The following PINX1 variants were observed in gnomAD, a reference collection of about 807,000 sequenced individuals.
The protein encoded by PINX1 is PIN2/TERF1-interacting telomerase inhibitor 1.
PINX1 carries 34 observed loss-of-function variants against 25.4 expected under a neutral mutation model. The ratio of observed to expected loss-of-function variants is 1.34; its 90% CI spans 1.02 to 1.78. The LOEUF (loss-of-function observed/expected upper bound fraction) is 1.78, where lower values mean the gene tolerates loss of function less well. Ranked by LOEUF, PINX1 falls within the 40% of genes most tolerant of loss-of-function variation. The probability of loss-of-function intolerance (pLI) is 0.00; values close to 1 mark genes in which losing one functional copy is unlikely to be tolerated. For missense variants in PINX1, 592 were observed against 404.9 expected, an observed-to-expected ratio of 1.46 and a Z score of -3.97; for synonymous variants, 197 against 147.7, an observed-to-expected ratio of 1.33 and a Z score of -2.42.
At chr8:10,816,987 C>T (rs1797718028) in intron 6 of PINX1, among the ~76,000 whole-genome samples, 1 of 152,166 alleles carries the variant, frequency 6.6e-6, no homozygotes, top group South Asian at 2.1e-4. Context: ...GTTTGGCACA[C>T]AGGTGCTTAA....
At chr8:10,781,902 T>A (rs769830297) in intron 6 of PINX1, among the ~76,000 whole-genome samples, 1 of 151,988 alleles carries the variant, frequency 6.6e-6, no homozygotes, top group Non-Finnish European at 1.5e-5. Flanking sequence ...CCGCAGCAGT[T>A]TGCATAATAG....
At chr8:10,773,648 G>T (rs1476531920) in intron 6 of PINX1, among the ~76,000 whole-genome samples, 2 of 152,192 alleles carry the variant, frequency 1.3e-5, no homozygotes, top group African/African-American at 4.8e-5. Flanking sequence ...TTAATTTTAT[G>T]TCTTTTTATT....
At chr8:10,808,340 T>C (rs1010004051) in intron 6 of PINX1, among the ~76,000 whole-genome samples, 1 of 152,264 alleles carries the variant, frequency 6.6e-6, no homozygotes, top group Non-Finnish European at 1.5e-5. Context: ...GAAAGTGCTG[T>C]AGGGAGGAGG....
chr8:10,798,702 A>T (rs886908992), intron 6 of PINX1, among the ~76,000 whole-genome samples: 10 of 152,196 alleles, frequency 6.6e-5, no homozygotes, highest in African/African-American at 2.4e-4. Flanking sequence ...AGGTAGAGAC[A>T]CCTTTTCTAA....
Position 10,767,262 on chromosome 8 carries a change from G to A in PINX1, c.472-1346C>T, listed in dbSNP as rs921859542. Among the ~76,000 whole-genome samples the A allele has an allele frequency of 2.0e-5, 3 of 152,154 alleles. No homozygotes were observed. The East Asian group carries it at 5.8e-4, about 29-fold the overall frequency. On this transcript the variant is annotated intron_variant, in intron 6 of 6. Transcript: ENST00000314787. ...CTATAAACAGACCCTGTATTGTCTC[G>A]ACACAGTGGTCCTCAAAAGCCACCT...
rs954352374 is a variant in PINX1 at position 10,839,836 on chromosome 8, A to T, written c.-80T>A. 12 of 1,389,650 alleles carry T rather than the reference A, an allele frequency of 8.6e-6. No homozygotes were observed. The highest frequency in any genetic ancestry group is 1.1e-5 in the Non-Finnish European group (11 of 1,006,086). 86.1% of individuals were successfully genotyped at this position (1,389,650 alleles called of 1,614,324 possible). Reference sequence around the variant, plus strand: ...GCGGGCTGGAGACTCCAGGAGAATCAGGACGTGCGTAACTCCCTCGCCGGC... The same window carrying T: ...GCGGGCTGGAGACTCCAGGAGAATCTGGACGTGCGTAACTCCCTCGCCGGC... On this transcript the variant is annotated 5_prime_UTR_variant, in exon 1 of 7. Coordinates refer to ENST00000314787, the MANE Select transcript of PINX1 (RefSeq NM_017884.6).
intron 6 of PINX1, among the ~76,000 whole-genome samples, chr8:10,799,415 C>T (rs10089548): frequency 0.2 from 30,985 of 152,084 alleles, 4,558 homozygotes; most frequent in African/African-American, 0.42. Flanking sequence ...ATGGGACAGA[C>T]GTGTCTGCTC....
chr8:10,825,189 G>C (rs1460958106), intron 5 of PINX1, among the ~76,000 whole-genome samples: 1 of 152,206 alleles, frequency 6.6e-6, no homozygotes, highest in Non-Finnish European at 1.5e-5. Context: ...CAATACTTCA[G>C]AGTAGTGGGG....
chr8:10,807,904 C>CT (rs1158778666), intron 6 of PINX1, among the ~76,000 whole-genome samples: 1 of 152,116 alleles, frequency 6.6e-6, no homozygotes, highest in Non-Finnish European at 1.5e-5. Flanking sequence ...AGGTGGAAAT[C>CT]TTAAGAGAGA....
intron 5 of PINX1, among the ~76,000 whole-genome samples, chr8:10,825,635 G>C (rs998904746): frequency 3.9e-5 from 6 of 152,164 alleles, no homozygotes; most frequent in African/African-American, 1.4e-4. Flanking sequence ...TACCCGACTT[G>C]GCAATGACTA....
intron 4 of PINX1, among the ~76,000 whole-genome samples, chr8:10,826,469 C>G (rs1210314824): frequency 2.6e-5 from 4 of 152,192 alleles, no homozygotes; most frequent in Non-Finnish European, 5.9e-5. Context: ...ATGGATCAGG[C>G]CAGGCTGCCC....
intron 6 of PINX1, among the ~76,000 whole-genome samples, chr8:10,797,950 G>C (rs1023449316): frequency 3.3e-5 from 5 of 152,176 alleles, no homozygotes; most frequent in Non-Finnish European, 7.3e-5. Flanking sequence ...TAAATGATGA[G>C]CTAAACAGTC....
intron 6 of PINX1, among the ~76,000 whole-genome samples, chr8:10,808,964 T>C (rs978658584): frequency 2.0e-5 from 3 of 152,216 alleles, no homozygotes; most frequent in African/African-American, 7.2e-5. Flanking sequence ...CCTTGATATA[T>C]GAATTTGTTG....
intron 6 of PINX1, among the ~76,000 whole-genome samples, chr8:10,801,567 G>A (rs543836535): frequency 1.9e-4 from 29 of 152,220 alleles, no homozygotes; most frequent in African/African-American, 7.0e-4. Flanking sequence ...ATAAACCTCA[G>A]TTTCCTTTTC....
intron 4 of PINX1, among the ~76,000 whole-genome samples, chr8:10,831,347 G>A (rs924802710): frequency 6.6e-6 from 1 of 152,210 alleles, no homozygotes; most frequent in East Asian, 1.9e-4. Context: ...CACTACATAA[G>A]AGGAAAAAGC....
chr8:10,825,533 C>T (rs1798009835), intron 5 of PINX1: 2 of 516,958 alleles, frequency 3.9e-6, no homozygotes, highest in Non-Finnish European at 8.0e-6. Context: ...AAGACAACAA[C>T]CGCATGCACA....
At chr8:10,801,739 G>A (rs1205062996) in intron 6 of PINX1, among the ~76,000 whole-genome samples, 1 of 152,122 alleles carries the variant, frequency 6.6e-6, no homozygotes, top group Admixed American at 6.5e-5. Context: ...CACCTCTAAT[G>A]AAAAAGAATT....
chr8:10,766,405 G>C (rs772611624), intron 6 of PINX1, among the ~76,000 whole-genome samples: 5 of 152,160 alleles, frequency 3.3e-5, no homozygotes, highest in African/African-American at 1.2e-4. Context: ...CATCTGGATA[G>C]GTTAACCTTC....
rs114728830 is a variant in PINX1, at chr8:10,838,614, A to G, written c.19+1124T>C. Among the ~76,000 whole-genome samples, 816 of 152,348 alleles carry G rather than the reference A, an allele frequency of 5.4e-3. 5 individuals are homozygous for G. The highest frequency in any genetic ancestry group is 0.019 in the African/African-American group (771 of 41,584). Reference sequence around the variant, plus strand: ...TGCATGCTGAATTAAGCAAACATCAAAGAATACGAAAACCAGAAGAGATCT... The same window carrying G: ...TGCATGCTGAATTAAGCAAACATCAGAGAATACGAAAACCAGAAGAGATCT... On this transcript the variant is annotated intron_variant, in intron 1 of 6. Transcript: ENST00000314787.
Sources: allele counts gnomAD v4.1 joint callset (sites outside exome capture counted in the v4.1 genomes callset), GRCh38; gene constraint gnomAD v4.1.1; transcripts MANE v1.5; gene names NCBI Gene and HGNC (gene_info 2026-07-23, HGNC 2026-07-21).